TPX2: variants seen among roughly 807,000 people sequenced by gnomAD.
The protein encoded by TPX2 is TPX2 microtubule nucleation factor.
TPX2 carries 21 observed loss-of-function variants against 93.6 expected under a neutral mutation model. The ratio of observed to expected loss-of-function variants is 0.22; its 90% CI spans 0.16 to 0.32. TPX2 has a LOEUF of 0.32. Ranked by LOEUF, TPX2 falls within the 10% of genes least tolerant of loss-of-function variation. The pLI is 1.00. For missense variants in TPX2, 776 were observed against 871.1 expected, an observed-to-expected ratio of 0.89 and a Z score of 1.37; for synonymous variants, 281 against 298.3, an observed-to-expected ratio of 0.94 and a Z score of 0.60.
intron 2 of TPX2, among the ~76,000 whole-genome samples, chr20:31,749,909 A>C (rs1043767556): frequency 4.6e-5 from 7 of 151,920 alleles, no homozygotes; most frequent in African/African-American, 7.2e-5. Context: ...TAGAAATCTT[A>C]TTATTTGTTT....
chr20:31,798,809 G>T (rs569127121), intron 17 of TPX2, among the ~76,000 whole-genome samples: 1 of 152,270 alleles, frequency 6.6e-6, no homozygotes, highest in South Asian at 2.1e-4. Flanking sequence ...TACAAAACTC[G>T]CAGTGTTCAT....
chr20:31,768,108 A>G (rs1271080994), intron 5 of TPX2, among the ~76,000 whole-genome samples: 1 of 149,606 alleles, frequency 6.7e-6, no homozygotes, highest in East Asian at 2.0e-4. Flanking sequence ...TAATTTTCGT[A>G]TTTTTTGTAG....
chr20:31,781,538 TACAGGCGTGAGCC>T (rs1478587251), intron 10 of TPX2, among the ~76,000 whole-genome samples: 2 of 151,816 alleles, frequency 1.3e-5, no homozygotes, highest in East Asian at 3.9e-4. Flanking sequence ...GTGCTGGGAT[TACAGGCGTGAGCC>T]ACTGTGACCG....
chr20:31,772,113 C>T (rs559163654), intron 7 of TPX2, among the ~76,000 whole-genome samples: 28 of 151,650 alleles, frequency 1.8e-4, no homozygotes, highest in African/African-American at 4.8e-4. Flanking sequence ...CTCTGCCTCC[C>T]GAGTTCAAAC....
At chr20:31,769,954 C>T (rs1244878087) in intron 5 of TPX2, among the ~76,000 whole-genome samples, 2 of 152,028 alleles carry the variant, frequency 1.3e-5, no homozygotes, top group African/African-American at 2.4e-5. Context: ...CGCACCAGCA[C>T]GTAGGGCTAA....
intron 2 of TPX2, among the ~76,000 whole-genome samples, chr20:31,756,565 T>A (rs866628901): frequency 6.6e-6 from 1 of 152,174 alleles, no homozygotes; most frequent in Admixed American, 6.5e-5. Flanking sequence ...TAGATACTTA[T>A]CAAACTTTGC....
chr20:31,740,042 A>G (rs757232048), intron 1 of TPX2, among the ~76,000 whole-genome samples: 1 of 152,230 alleles, frequency 6.6e-6, no homozygotes, highest in Admixed American at 6.5e-5. Context: ...CTCTTTTTGT[A>G]TGGAATCACC....
chr20:31,748,541 A>T (rs1278690305), intron 2 of TPX2, among the ~76,000 whole-genome samples: 3 of 152,180 alleles, frequency 2.0e-5, no homozygotes, highest in Non-Finnish European at 2.9e-5. Flanking sequence ...CATATCAGGG[A>T]TGCTTAGTTT....
intron 5 of TPX2, among the ~76,000 whole-genome samples, chr20:31,768,008 T>C (rs2061939507): frequency 6.6e-6 from 1 of 151,998 alleles, no homozygotes; most frequent in East Asian, 1.9e-4. Flanking sequence ...CTTGGCTCAC[T>C]GCAGCCTCGA....
At chr20:31,774,663 A>G (rs1223001942) in intron 7 of TPX2, among the ~76,000 whole-genome samples, 3 of 152,230 alleles carry the variant, frequency 2.0e-5, no homozygotes, top group Non-Finnish European at 4.4e-5. Flanking sequence ...AAATGAAATG[A>G]CAGGGTTGGG....
rs925872124 is a variant in TPX2 at position 31,746,238 on chromosome 20, T to G, written c.-71+3591T>G. ...GTGGAAACACAAAGTCCATTAAACT[T>G]CCTTCAGACTTAGTTTGTGACTTTG... On this transcript the variant is annotated intron_variant, in intron 2 of 17. Transcript: ENST00000300403. 2.0e-5 allele frequency among the ~76,000 whole-genome samples: 3 copies of G among 152,340 alleles called. No individual in the cohort carries two copies. In the East Asian group the frequency reaches 5.8e-4, roughly 29 times the overall value.
At chr20:31,746,908 G>A (rs1449321234) in intron 2 of TPX2, among the ~76,000 whole-genome samples, 1 of 152,102 alleles carries the variant, frequency 6.6e-6, no homozygotes, top group Non-Finnish European at 1.5e-5. Context: ...AAAAGTCAAC[G>A]TTCATTCTTA....
intron 3 of TPX2, 82 bp from the exon 4 acceptor site, chr20:31,759,975 T>G: frequency 1.3e-6 from 2 of 1,570,566 alleles, no homozygotes; most frequent in Non-Finnish European, 1.7e-6. Context: ...GGTAGGGAGC[T>G]TTAGTTTGCA....
intron 15 of TPX2, among the ~76,000 whole-genome samples, chr20:31,795,342 C>T (rs2072353679): frequency 6.6e-6 from 1 of 152,222 alleles, no homozygotes; most frequent in African/African-American, 2.4e-5. Context: ...CCATGTTGGC[C>T]AGGCTGGTCT....
Position 31,792,825 on chromosome 20 carries a change from G to C in TPX2, c.1504G>C (p.Asp502His), listed in dbSNP as rs972858335. The C allele has an allele frequency of 1.2e-6, 2 of 1,614,004 alleles. No homozygotes were observed. The highest frequency in any genetic ancestry group is 1.7e-6 in the Non-Finnish European group (2 of 1,179,968). ...KNRIRMPTKE[D>H]EEEDEPVVIK... ...CAGAATTCGAATGCCCACCAAAGAA[G>C]ATGAGGTGATTCCCTGGGAGTAGGG... Residue 502 changes from aspartate to histidine, a missense_variant, in exon 13 of 18, where the codon GAT becomes CAT. By Grantham distance (81) the Asp-to-His change is moderately conservative (BLOSUM62 -1). Coordinates refer to ENST00000300403, the MANE Select transcript of TPX2 (RefSeq NM_012112.5).
chr20:31,754,162 C>CG (rs1311083577), intron 2 of TPX2, among the ~76,000 whole-genome samples: 2 of 151,844 alleles, frequency 1.3e-5, no homozygotes. Flanking sequence ...TGCAGTGGTG[C>CG]GGTCTTGGCT....
At chr20:31,797,225 C>G (rs1046256396) in intron 15 of TPX2, among the ~76,000 whole-genome samples, 179 bp from the exon 16 acceptor site, 1 of 152,036 alleles carries the variant, frequency 6.6e-6, no homozygotes, top group African/African-American at 2.4e-5. Context: ...TCAGTGAGTT[C>G]AAATGTTGTC....
Position 31,786,402 on chromosome 20 carries a change from T to TTTTTTTTTTGTTG in TPX2, c.1413+2490_1413+2491insGTTGTTTTTTTTT, listed in dbSNP as rs1555787866. On this transcript the variant is annotated intron_variant, in intron 12 of 17. Transcript: ENST00000300403. ...GCATCAGTCACACCTGAACTACTGT[T>TTTTTTTTTTGTTG]TTTTTTTTTTTTTGAGACAATCTCA... Among the ~76,000 whole-genome samples, 363 of 111,522 alleles carry TTTTTTTTTTGTTG rather than the reference T, an allele frequency of 3.3e-3. 1 individual carries two copies. Among genetic ancestry groups the TTTTTTTTTTGTTG allele is most frequent in the African/African-American group, 0.015 (349 of 22,988 alleles). The allele number at this position is 111,522 out of a possible 152,430, so 73.2% of individuals were successfully genotyped here.
At chr20:31,744,389 A>G (rs2122942445) in intron 2 of TPX2, among the ~76,000 whole-genome samples, 1 of 151,114 alleles carries the variant, frequency 6.6e-6, no homozygotes, top group African/African-American at 2.4e-5. Context: ...CAAACTCCTG[A>G]CCTCATGATC....
Sources: allele counts gnomAD v4.1 joint callset (sites outside exome capture counted in the v4.1 genomes callset), GRCh38; gene constraint gnomAD v4.1.1; transcripts MANE v1.5; gene names NCBI Gene and HGNC (gene_info 2026-07-23, HGNC 2026-07-21).